The following INSL6 variants were observed in gnomAD, a reference collection of about 807,000 sequenced individuals.
The protein encoded by INSL6 is insulin-like peptide INSL6.
A neutral mutation model predicts 9.4 loss-of-function variants in INSL6; 16 were observed. The observed-to-expected ratio is 1.70, with a 90% CI of 1.15 to 2.59. The LOEUF (loss-of-function observed/expected upper bound fraction) is 2.59, where lower values mean the gene tolerates loss of function less well. INSL6 is among the 30% of genes most tolerant of loss of function. INSL6 has a pLI of 0.00. For synonymous variants in INSL6, 154 were observed against 96.9 expected (o/e 1.59, Z -3.46); for missense variants, 391 against 257.3 (o/e 1.52, Z -3.56).
intron 2 of INSL6, among the ~76,000 whole-genome samples, chr9:5,150,742 T>C (rs563834655): frequency 3.9e-5 from 6 of 152,204 alleles, no homozygotes; most frequent in Admixed American, 2.0e-4. Context: ...GAAATCATTA[T>C]AGCAAAAAGA....
downstream of INSL6, chr9:5,123,106 TA>T: frequency 6.3e-7 from 1 of 1,599,566 alleles, no homozygotes; most frequent in Admixed American, 1.7e-5. Context: ...TTGAGAAGAG[TA>T]AAAGTCCACC....
the INSL6 span, among the ~76,000 whole-genome samples, chr9:5,079,498 GTTT>G: frequency 6.8e-6 from 1 of 145,992 alleles, no homozygotes; most frequent in African/African-American, 2.5e-5. Flanking sequence ...TGGTCCTTGG[GTTT>G]TTTTTTTTAT....
chr9:5,103,220 GCAAAA>G, the INSL6 span, among the ~76,000 whole-genome samples: 2 of 6,904 alleles, frequency 2.9e-4, no homozygotes, highest in African/African-American at 8.0e-4. Context: ...CAAAGGGAAA[GCAAAA>G]AAAAAAAAAA....
At chr9:5,103,661 A>G in the INSL6 span, among the ~76,000 whole-genome samples, 2 of 151,778 alleles carry the variant, frequency 1.3e-5, no homozygotes, top group African/African-American at 4.8e-5. Flanking sequence ...AATAGACCAC[A>G]TAGAAGTAAA....
the INSL6 span, chr9:5,029,768 C>T: frequency 1.3e-6 from 2 of 1,597,568 alleles, no homozygotes; most frequent in African/African-American, 1.3e-5. Context: ...ATTCCTTTCT[C>T]TGCTTCTTTT....
At chr9:5,053,667 T>C in the INSL6 span, among the ~76,000 whole-genome samples, 13 of 152,012 alleles carry the variant, frequency 8.6e-5, no homozygotes, top group East Asian at 1.9e-4. Flanking sequence ...GCTATGTACA[T>C]GCTTTCAAAA....
intron 3 of INSL6, among the ~76,000 whole-genome samples, chr9:5,125,448 T>C (rs1823917687): frequency 1.3e-5 from 2 of 151,474 alleles, no homozygotes; most frequent in African/African-American, 4.8e-5. Flanking sequence ...CTTCAGTCTT[T>C]TAAGTAACAC....
intron 1 of INSL6, among the ~76,000 whole-genome samples, chr9:5,183,000 C>G (rs1006757722): frequency 6.6e-6 from 1 of 152,094 alleles, no homozygotes; most frequent in African/African-American, 2.4e-5. Flanking sequence ...AGTAGATCAT[C>G]AGGATATTAA....
chr9:5,072,170 A>G, the INSL6 span, among the ~76,000 whole-genome samples: 1 of 152,204 alleles, frequency 6.6e-6, no homozygotes, highest in African/African-American at 2.4e-5. Flanking sequence ...GGAAAGGCAA[A>G]GAAAATGATT....
chr9:4,998,734 C>CA, the INSL6 span, among the ~76,000 whole-genome samples: 4 of 134,938 alleles, frequency 3.0e-5, no homozygotes, highest in Admixed American at 1.5e-4. Flanking sequence ...CCAAAAACCA[C>CA]AAAAAACAAA....
At chr9:5,069,752 A>G in the INSL6 span, among the ~76,000 whole-genome samples, 2 of 152,300 alleles carry the variant, frequency 1.3e-5, no homozygotes, top group South Asian at 4.1e-4. Context: ...CTAAGAAGAA[A>G]TATCAAAGTT....
the INSL6 span, among the ~76,000 whole-genome samples, chr9:5,057,921 C>G: frequency 1.3e-5 from 2 of 152,040 alleles, no homozygotes; most frequent in Non-Finnish European, 2.9e-5. Context: ...ACTCTAGATA[C>G]CTCATAAAAG....
chr9:5,119,959 C>A (rs1440657039), downstream of INSL6, among the ~76,000 whole-genome samples: 2 of 152,058 alleles, frequency 1.3e-5, no homozygotes, highest in African/African-American at 4.8e-5. Flanking sequence ...TAAGTTTGAG[C>A]TAACTTATTG....
downstream of INSL6, among the ~76,000 whole-genome samples, chr9:5,161,659 A>C (rs1824929496): frequency 6.6e-6 from 1 of 152,216 alleles, no homozygotes; most frequent in Admixed American, 6.5e-5. Flanking sequence ...CCTTATTTAC[A>C]GGTGCTATGA....
the INSL6 span, among the ~76,000 whole-genome samples, chr9:5,008,856 AC>A: frequency 6.6e-6 from 1 of 151,918 alleles, no homozygotes; most frequent in Admixed American, 6.6e-5. Context: ...TTAGAATTGT[AC>A]TCCCTGGATT....
chr9:5,150,964 A>G (rs1824701908), intron 2 of INSL6, among the ~76,000 whole-genome samples: 2 of 152,140 alleles, frequency 1.3e-5, no homozygotes. Flanking sequence ...TATCTTATAT[A>G]AAATAACTAA....
At chr9:5,130,792 G>C (rs4342662) in intron 3 of INSL6, among the ~76,000 whole-genome samples, 2 of 149,808 alleles carry the variant, frequency 1.3e-5, no homozygotes, top group African/African-American at 4.9e-5. Context: ...GCAGTGGCGC[G>C]ATCTCGGCTC....
the INSL6 span, among the ~76,000 whole-genome samples, chr9:5,055,428 G>A: frequency 1.3e-5 from 2 of 151,944 alleles, no homozygotes; most frequent in Non-Finnish European, 2.9e-5. Flanking sequence ...TTGAATTGAA[G>A]AGTGCCATAG....
chr9:5,108,135 T>C, the INSL6 span: 11 of 152,116 alleles, frequency 7.2e-5, no homozygotes, highest in East Asian at 1.9e-4. Flanking sequence ...TAACAGCCTA[T>C]TACCTTTTAT....
Sources: gnomAD v4.1 joint callset for allele counts (sites outside exome capture counted in the v4.1 genomes callset) on GRCh38, gnomAD v4.1.1 for gene constraint, MANE v1.5 for transcripts, NCBI Gene and HGNC (gene_info 2026-07-23, HGNC 2026-07-21) for gene names.